Variants in PARP14 observed in about 807,000 individuals in gnomAD.
PARP14 encodes the protein protein mono-ADP-ribosyltransferase PARP14.
A neutral mutation model predicts 154.2 loss-of-function variants in PARP14; 59 were observed. The ratio of observed to expected loss-of-function variants is 0.38; its 90% CI spans 0.31 to 0.48. The LOEUF (loss-of-function observed/expected upper bound fraction) is 0.48, where lower values mean the gene tolerates loss of function less well. Among genes scored for constraint, PARP14 ranks in the 20% least tolerant of loss-of-function variants. The pLI is 0.98. For synonymous variants in PARP14, 720 were observed against 780.5 expected (o/e 0.92, Z 1.29); for missense variants, 1,734 against 2,131.6 (o/e 0.81, Z 3.67).
In PARP14 at chr3:122,701,296, A is replaced by T; in HGVS notation, c.2742A>T (p.Arg914=). ...SLCLAEKYKY[R]SIAIPAISSG... is the part of the protein sequence containing the mutation. ...GTCTAGCCGAAAAATACAAGTACCG[A>T]TCCATAGCCATCCCAGCTATTAGTT... The change falls in exon 6 of 17, where the codon CGA becomes CGT. Residue 914 remains arginine (R), a synonymous_variant. Transcript: ENST00000474629. This position sits in a 1 kb window ranked among gnomAD's most constrained non-coding sequence, Gnocchi z 4.0. The T allele has an allele frequency of 6.2e-7, 1 of 1,613,956 alleles. No homozygotes were observed. The highest frequency in any genetic ancestry group is 2.2e-5 in the East Asian group (1 of 44,882).
At chr3:122,714,118 T>A in intron 11 of PARP14, 144 bp from the exon 12 acceptor site, 2 of 778,694 alleles carry the variant, frequency 2.6e-6, no homozygotes, top group Non-Finnish European at 4.1e-6. Context: ...TAAAGTTAAG[T>A]CATAGCATTC....
intron 12 of PARP14, among the ~76,000 whole-genome samples, chr3:122,715,602 CT>C (rs1576598545): frequency 5.5e-5 from 5 of 91,508 alleles, no homozygotes; most frequent in South Asian, 7.6e-4. Flanking sequence ...AGTCATCTAT[CT>C]ATCTATCTAT....
chr3:122,691,701 A>G (rs1938544452), intron 3 of PARP14, among the ~76,000 whole-genome samples: 1 of 152,228 alleles, frequency 6.6e-6, no homozygotes, highest in Admixed American at 6.5e-5. Context: ...AGGATGAATA[A>G]ACATGTGTCT....
At position 122,699,385 on chromosome 3, in the gene PARP14, T is replaced by C. The variant is rs1292505667; in HGVS notation, c.836-5T>C. The C allele has an allele frequency of 1.3e-6, 2 of 1,566,070 alleles. No homozygotes were observed. Among genetic ancestry groups the C allele is most frequent in the Non-Finnish European group, 1.7e-6 (2 of 1,150,900 alleles). On this transcript the variant is annotated splice_region_variant and splice_polypyrimidine_tract_variant and intron_variant, in intron 5 of 16. Transcript: ENST00000474629. ...CTTACATTATTTTACTTCTTTCCTT[T>C]TAAGTGTTAGACACCATCATGGCCA...
chr3:122,712,487 A>G (rs1939354694), intron 9 of PARP14, among the ~76,000 whole-genome samples: 1 of 151,958 alleles, frequency 6.6e-6, no homozygotes, highest in African/African-American at 2.4e-5. Flanking sequence ...ACCTCAAGTG[A>G]TCCACCTGCC....
chr3:122,694,205 C>T (rs1445593959), intron 4 of PARP14, among the ~76,000 whole-genome samples: 1 of 152,160 alleles, frequency 6.6e-6, no homozygotes, highest in Non-Finnish European at 1.5e-5. Context: ...GAAAGGGACC[C>T]AAACAAGGTG....
intron 6 of PARP14, among the ~76,000 whole-genome samples, chr3:122,703,250 T>C (rs1939044406): frequency 6.6e-6 from 1 of 152,152 alleles, no homozygotes; most frequent in Non-Finnish European, 1.5e-5. Flanking sequence ...GCTCCCTTTC[T>C]GTCAGGGAGT....
intron 3 of PARP14, among the ~76,000 whole-genome samples, chr3:122,691,054 T>C (rs928622817): frequency 2.6e-5 from 4 of 152,216 alleles, no homozygotes; most frequent in Non-Finnish European, 4.4e-5. Context: ...TTCCATTAAC[T>C]GCAGGGACAC....
intron 12 of PARP14, among the ~76,000 whole-genome samples, chr3:122,716,003 G>A (rs888347617): frequency 1.3e-5 from 2 of 152,116 alleles, no homozygotes; most frequent in African/African-American, 2.4e-5. Context: ...AATAAATCAG[G>A]GTTAGTGGGT....
At chr3:122,726,868 G>A (rs760251778) in intron 15 of PARP14, among the ~76,000 whole-genome samples, 16 of 133,220 alleles carry the variant, frequency 1.2e-4, no homozygotes, top group Admixed American at 1.6e-4. Flanking sequence ...AAATTTAGCC[G>A]TAGGTAAAGA....
chr3:122,721,174 G>A (rs929609600), intron 15 of PARP14: 1 of 292,186 alleles, frequency 3.4e-6, no homozygotes, highest in Non-Finnish European at 6.6e-6. Flanking sequence ...TACCTCACCA[G>A]GGAATATATT....
Position 122,700,636 on chromosome 3 carries a change from G to A in PARP14, c.2082G>A (p.Trp694Ter). The change falls in exon 6 of 17, where the codon TGG (tryptophan) becomes TGA (stop). Residue 694 changes from tryptophan to a stop codon, truncating the protein, a stop_gained. Coordinates refer to ENST00000474629, the MANE Select transcript of PARP14 (RefSeq NM_017554.3). LOFTEE classifies it high-confidence loss of function. ...DYLKTEKKLF[W>*]PKIKKVNVQV... Reference sequence around the variant, plus strand: ...TAAAGACAGAAAAGAAGCTATTCTGGCCAAAGATAAAGAAGGTAAATGTGC... The same window carrying A: ...TAAAGACAGAAAAGAAGCTATTCTGACCAAAGATAAAGAAGGTAAATGTGC... 1 of 1,604,690 alleles carries A rather than the reference G, an allele frequency of 6.2e-7. No individual in the cohort carries two copies. Among genetic ancestry groups the A allele is most frequent in the Non-Finnish European group, 8.5e-7 (1 of 1,175,174 alleles).
At chr3:122,686,180 G>T (rs1228321860) in intron 2 of PARP14, among the ~76,000 whole-genome samples, 1 of 152,146 alleles carries the variant, frequency 6.6e-6, no homozygotes, top group Non-Finnish European at 1.5e-5. Context: ...TAGAGGCAGG[G>T]TCTCACTCTG....
At position 122,692,339 on chromosome 3, in the gene PARP14, G is replaced by A. The variant is rs369116229; in HGVS notation, c.394G>A (p.Gly132Ser). Residue 132 changes from glycine (G) to serine (S), a missense_variant, in exon 4 of 17, where the codon GGT becomes AGT. Transcript: ENST00000474629. ...EELDTKLPLD[G>S]GLDKMEDIPE... ...ATTGGATACAAAACTCCCTCTTGATGGTGGATTAGACAAAATGGAAGATAT... is the reference window on the plus strand; with the variant it reads ...ATTGGATACAAAACTCCCTCTTGATAGTGGATTAGACAAAATGGAAGATAT... 1 of 1,612,570 alleles carries A rather than the reference G, an allele frequency of 6.2e-7. No homozygotes were observed. The highest frequency in any genetic ancestry group is 8.5e-7 in the Non-Finnish European group (1 of 1,178,828).
rs373580761 is a variant in PARP14, at chr3:122,718,709, T to C, written c.4558T>C (p.Leu1520=). 1.9e-6 allele frequency: 3 copies of C among 1,613,626 alleles called. No individual in the cohort carries two copies. Among genetic ancestry groups the C allele is most frequent in the Non-Finnish European group, 1.7e-6 (2 of 1,179,726 alleles). ...EIEAMIKRVR[L]AKEQESRADC... is the part of the protein sequence containing the mutation. ...TGAGGCGATGATCAAGAGAGTTCGA[T>C]TGGCCAAAGAACAGGAATCCCGGGC... is the stretch of plus-strand genomic sequence containing the variant. The change falls in exon 14 of 17, where the codon TTG becomes CTG. Residue 1520 remains leucine (L), a synonymous_variant. Transcript: ENST00000474629.
At chr3:122,707,587 A>AC (rs1278533693) in intron 8 of PARP14, among the ~76,000 whole-genome samples, 1 of 152,172 alleles carries the variant, frequency 6.6e-6, no homozygotes, top group Non-Finnish European at 1.5e-5. Flanking sequence ...AGCTTGAGCA[A>AC]CATAGGGAGA....
At chr3:122,702,692 T>C (rs1022878085) in intron 6 of PARP14, among the ~76,000 whole-genome samples, 12 of 152,162 alleles carry the variant, frequency 7.9e-5, no homozygotes, top group African/African-American at 2.7e-4. Flanking sequence ...TTGTTCAGGC[T>C]CTTAACCATT....
chr3:122,709,470 T>C (rs1424010980), intron 9 of PARP14, among the ~76,000 whole-genome samples: 1 of 152,188 alleles, frequency 6.6e-6, no homozygotes, highest in East Asian at 1.9e-4. Context: ...GACACTTAGG[T>C]TGGTTCCATA....
rs147791717 is a variant in PARP14, at chr3:122,729,717, T to A, written c.*1120T>A. On this transcript the variant is annotated 3_prime_UTR_variant, in exon 17 of 17. Coordinates refer to ENST00000474629, the MANE Select transcript of PARP14 (RefSeq NM_017554.3). ...GGTGTGAGCCACCGTGACCAGCCAA[T>A]GTGCCTTCTTATAGTGTCTACTCAT... 8.5e-5 allele frequency: 13 copies of A among 152,298 alleles called. No homozygotes were observed. Among genetic ancestry groups the A allele is most frequent in the African/African-American group, 3.1e-4 (13 of 41,572 alleles). The allele number at this position is 152,298 out of a possible 1,614,324, so 9.4% of individuals were successfully genotyped here.
Sources: gnomAD v4.1 joint callset for allele counts (sites outside exome capture counted in the v4.1 genomes callset) on GRCh38, gnomAD v4.1.1 for gene constraint, Gnocchi (gnomAD v3.1) non-coding constraint, MANE v1.5 for transcripts, NCBI Gene and HGNC (gene_info 2026-07-23, HGNC 2026-07-21) for gene names.